The following SYNPR variants were observed in gnomAD, a reference collection of about 807,000 sequenced individuals.
SYNPR encodes synaptoporin.
Under a neutral mutation model 32.9 loss-of-function variants are expected in SYNPR, and 23 were observed. The ratio of observed to expected loss-of-function variants is 0.70; its 90% CI spans 0.50 to 0.99. The LOEUF (loss-of-function observed/expected upper bound fraction) is 0.99, where lower values mean the gene tolerates loss of function less well. Ranked by LOEUF, SYNPR falls within the 50% of genes least tolerant of loss-of-function variation. The pLI, the probability that SYNPR is intolerant of heterozygous loss-of-function variation, is 0.00. For synonymous variants in SYNPR, 146 were observed against 135.9 expected (o/e 1.07, Z -0.52); for missense variants, 318 against 349.3 (o/e 0.91, Z 0.71).
intron 2 of SYNPR, among the ~76,000 whole-genome samples, chr3:63,455,585 G>C (rs1171942725): frequency 6.6e-6 from 1 of 152,114 alleles, no homozygotes; most frequent in Non-Finnish European, 1.5e-5. Flanking sequence ...TAAAGTGGTA[G>C]TACAAATCAT....
At chr3:63,440,625 C>T (rs993239762) in intron 2 of SYNPR, among the ~76,000 whole-genome samples, 4 of 152,116 alleles carry the variant, frequency 2.6e-5, no homozygotes, top group Non-Finnish European at 5.9e-5. Context: ...CTAACCCAAC[C>T]AGCAGATTAG....
the SYNPR span, among the ~76,000 whole-genome samples, chr3:63,202,494 G>A: frequency 6.6e-6 from 1 of 152,098 alleles, no homozygotes; most frequent in South Asian, 2.1e-4. Flanking sequence ...ATCCCTCAGT[G>A]GGCCGTGAAC....
chr3:63,313,753 A>G lies in SYNPR; in HGVS notation c.84+35011A>G, dbSNP rs1420067437. Among the ~76,000 whole-genome samples the G allele has an allele frequency of 6.1e-5, 2 of 32,666 alleles. 1 individual carries two copies. The highest frequency in any genetic ancestry group is 1.2e-4 in the Non-Finnish European group (2 of 16,642). The allele number at this position is 32,666 out of a possible 152,430, so 21.4% of individuals were successfully genotyped here. A position where few individuals can be genotyped will look rare whatever the true frequency, so the allele number is the denominator to read the frequency against. Reference sequence around the variant, plus strand: ...TATCCATATATATATATCCATATATATATCCATATATATATCCATATATAT... The same window carrying G: ...TATCCATATATATATATCCATATATGTATCCATATATATATCCATATATAT... On this transcript the variant is annotated intron_variant, in intron 2 of 5. Coordinates refer to ENST00000478300, the MANE Select transcript of SYNPR (RefSeq NM_001130003.2).
chr3:63,284,441 C>T (rs2086661183), intron 2 of SYNPR, among the ~76,000 whole-genome samples: 1 of 152,154 alleles, frequency 6.6e-6, no homozygotes, highest in Non-Finnish European at 1.5e-5. Flanking sequence ...CCTAATTCTT[C>T]TAATCCTTAT....
chr3:63,413,499 G>A (rs377249942), intron 2 of SYNPR, among the ~76,000 whole-genome samples: 11 of 152,280 alleles, frequency 7.2e-5, no homozygotes, highest in African/African-American at 1.4e-4. Context: ...AAGCGAGATA[G>A]GAAATCAAGT....
intron 2 of SYNPR, among the ~76,000 whole-genome samples, chr3:63,368,502 C>T (rs1172773089): frequency 6.6e-6 from 1 of 152,066 alleles, no homozygotes; most frequent in Non-Finnish European, 1.5e-5. Context: ...ACTGCAGGGT[C>T]ACTTGTGAAA....
chr3:63,384,602 T>G (rs985781525), intron 2 of SYNPR, among the ~76,000 whole-genome samples: 1 of 152,182 alleles, frequency 6.6e-6, no homozygotes, highest in Non-Finnish European at 1.5e-5. Flanking sequence ...CAGTTCATGA[T>G]AGTTAAAAGA....
chr3:63,501,924 C>G (rs926526492), intron 3 of SYNPR, among the ~76,000 whole-genome samples: 1 of 152,128 alleles, frequency 6.6e-6, no homozygotes, highest in African/African-American at 2.4e-5. Context: ...TAGCTACATG[C>G]ACTTGAAACG....
At chr3:63,589,492 G>A (rs971746300) in intron 4 of SYNPR, among the ~76,000 whole-genome samples, 4 of 151,850 alleles carry the variant, frequency 2.6e-5, no homozygotes, top group Non-Finnish European at 5.9e-5. Flanking sequence ...GCCGGGCAGA[G>A]ACACAACCAA....
chr3:63,393,496 CTTTT>C (rs71631152), intron 2 of SYNPR, among the ~76,000 whole-genome samples: 18 of 84,510 alleles, frequency 2.1e-4, no homozygotes, highest in African/African-American at 9.6e-4. Flanking sequence ...TCTTTCTTCT[CTTTT>C]TTTTTTTTTT....
intron 2 of SYNPR, among the ~76,000 whole-genome samples, chr3:63,285,518 G>C (rs1052041774): frequency 6.6e-6 from 1 of 152,134 alleles, no homozygotes; most frequent in African/African-American, 2.4e-5. Context: ...TATTAATGTG[G>C]GTTTAATTAC....
intron 2 of SYNPR, among the ~76,000 whole-genome samples, chr3:63,259,260 A>C (rs899932844): frequency 2.0e-5 from 3 of 152,156 alleles, no homozygotes; most frequent in Non-Finnish European, 4.4e-5. Context: ...CATGGCAGAG[A>C]CTCAACAAAA....
At chr3:63,544,441 G>A (rs1020461830) in intron 3 of SYNPR, among the ~76,000 whole-genome samples, 4 of 152,122 alleles carry the variant, frequency 2.6e-5, no homozygotes, top group Non-Finnish European at 4.4e-5. Context: ...CTTTTCAGTG[G>A]TTTAAAGGAG....
chr3:63,443,536 A>G (rs1262936650), intron 2 of SYNPR: 7 of 1,519,682 alleles, frequency 4.6e-6, no homozygotes, highest in Non-Finnish European at 6.3e-6. Context: ...ATGTGTCTCC[A>G]TAGGCACATT....
At chr3:63,529,452 G>A (rs531036580) in intron 3 of SYNPR, among the ~76,000 whole-genome samples, 2 of 152,252 alleles carry the variant, frequency 1.3e-5, no homozygotes, top group African/African-American at 4.8e-5. Context: ...CAGGTACAGG[G>A]AGGTCTGAGT....
rs1424662075 is a variant in SYNPR at position 63,270,975 on chromosome 3, TTCC to T, written n.287+3528_287+3530del. ...CTTCCTTCCTTCCTTCCTTCTTTTC[TTCC>T]TTCCTTCCTTCCTTCCTTTTCTTTC... On this transcript the variant is annotated intron_variant and non_coding_transcript_variant, in intron 3 of 4. Transcript: ENST00000478456. 1.3e-3 allele frequency among the ~76,000 whole-genome samples: 45 copies of T among 34,020 alleles called. 1 individual carries two copies. Among genetic ancestry groups the T allele is most frequent in the African/African-American group, 2.1e-3 (17 of 7,996 alleles). 22.3% of individuals were successfully genotyped at this position (34,020 alleles called of 152,430 possible). A position where few individuals can be genotyped will look rare whatever the true frequency, so the allele number is the denominator to read the frequency against.
intron 4 of SYNPR, among the ~76,000 whole-genome samples, chr3:63,568,799 G>A (rs1702837859): frequency 6.6e-6 from 1 of 152,144 alleles, no homozygotes; most frequent in African/African-American, 2.4e-5. Context: ...GCTGAAGCCA[G>A]CACATTCTAG....
chr3:63,337,638 A>C (rs2087312257), intron 2 of SYNPR, among the ~76,000 whole-genome samples: 1 of 152,236 alleles, frequency 6.6e-6, no homozygotes, highest in African/African-American at 2.4e-5. Context: ...TGAATGGATA[A>C]ACAAACTGTG....
chr3:63,235,007 C>T (rs1267944938), intron 1 of SYNPR, among the ~76,000 whole-genome samples: 2 of 152,180 alleles, frequency 1.3e-5, no homozygotes, highest in African/African-American at 4.8e-5. Flanking sequence ...CAAACTATAG[C>T]ATAACATCAC....
Sources: gnomAD v4.1 joint callset for allele counts (sites outside exome capture counted in the v4.1 genomes callset) on GRCh38, gnomAD v4.1.1 for gene constraint, MANE v1.5 for transcripts, NCBI Gene and HGNC (gene_info 2026-07-23, HGNC 2026-07-21) for gene names.